TFAM: variants seen among roughly 807,000 people sequenced by gnomAD.
TFAM encodes the protein mitochondrial transcription factor 1.
In TFAM, 13 loss-of-function variants were observed where a neutral mutation model predicts 30.6. The ratio of observed to expected loss-of-function variants is 0.42; its 90% CI spans 0.28 to 0.67. The LOEUF (loss-of-function observed/expected upper bound fraction) is 0.67, where lower values mean the gene tolerates loss of function less well. Among genes scored for constraint, TFAM ranks in the 30% least tolerant of loss-of-function variants. The pLI, the probability that TFAM is intolerant of heterozygous loss-of-function variation, is 0.21. For missense variants in TFAM, 231 were observed against 293.7 expected (o/e 0.79, Z 1.56); for synonymous variants, 106 against 94.8 (o/e 1.12, Z -0.69).
At chr10:58,388,085 T>C (rs1840524164) in intron 2 of TFAM, 105 bp from the exon 3 acceptor site, 1 of 819,758 alleles carries the variant, frequency 1.2e-6, no homozygotes, top group South Asian at 1.5e-5. Flanking sequence ...TAAATCATTA[T>C]ATTAAGTTAT....
At position 58,385,448 on chromosome 10, in the gene TFAM, G is replaced by A; in HGVS notation, c.-100G>A. 2 of 870,666 alleles carry A rather than the reference G, an allele frequency of 2.3e-6. No homozygotes were observed. Among genetic ancestry groups the A allele is most frequent in the South Asian group, 2.9e-5 (2 of 69,970 alleles). 53.9% of individuals were successfully genotyped at this position (870,666 alleles called of 1,614,324 possible). ...AGTGGCGGGCATGATAACACACGCC[G>A]GAGGGTCGCACGCGGGTTCCAGTTG... On this transcript the variant is annotated 5_prime_UTR_variant, in exon 1 of 7. Coordinates refer to ENST00000487519, the MANE Select transcript of TFAM (RefSeq NM_003201.3).
Position 58,395,847 on chromosome 10 carries a change from A to G in TFAM, c.*773A>G. The G allele has an allele frequency of 8.3e-6, 2 of 239,608 alleles. No individual in the cohort carries two copies. Among genetic ancestry groups the G allele is most frequent in the Non-Finnish European group, 7.9e-6 (1 of 126,948 alleles). The allele number at this position is 239,608 out of a possible 1,614,324, so 14.8% of individuals were successfully genotyped here. On this transcript the variant is annotated 3_prime_UTR_variant, in exon 7 of 7. Transcript: ENST00000487519. ...CTGAATTATTTTCTCTCGTGAGTAT[A>G]TTGATCCAGAAAGAAAACTTGTATT...
chr10:58,394,805 G>A (rs1840653571), intron 6 of TFAM, 123 bp from the exon 7 acceptor site: 2 of 952,830 alleles, frequency 2.1e-6, no homozygotes, highest in Admixed American at 2.5e-5. Context: ...CTTTATACAT[G>A]TAGAATGGTA....
intron 6 of TFAM, 81 bp from the exon 7 acceptor site, chr10:58,394,847 C>G: frequency 7.2e-7 from 1 of 1,390,814 alleles, no homozygotes; most frequent in Non-Finnish European, 9.9e-7. Context: ...CAGAAGCATT[C>G]CAGAAATTAA....
rs746604502 is a variant in TFAM at position 58,390,721 on chromosome 10, T to C, written c.442-44T>C. ...TTTCTGTAGGTAAAATTAAGTCTCA[T>C]GGAGGTTAACACTATTTTTGACCCT... On this transcript the variant is annotated intron_variant, in intron 4 of 6. Transcript: ENST00000487519. The C allele has an allele frequency of 8.3e-6, 12 of 1,451,818 alleles. No homozygotes were observed. The South Asian group carries it at 1.4e-4, about 17-fold the overall frequency. The allele number at this position is 1,451,818 out of a possible 1,614,324, so 89.9% of individuals were successfully genotyped here. A position where few individuals can be genotyped will look rare whatever the true frequency, so the allele number is the denominator to read the frequency against.
intron 5 of TFAM, 58 bp downstream of exon 5, chr10:58,390,918 G>A: frequency 6.9e-7 from 1 of 1,442,048 alleles, no homozygotes; most frequent in Admixed American, 1.8e-5. Context: ...GAAAAGTCTA[G>A]AGTGCCATGT....
intron 5 of TFAM, among the ~76,000 whole-genome samples, chr10:58,392,402 TC>T (rs1840612963): frequency 1.3e-5 from 2 of 152,096 alleles, no homozygotes; most frequent in Admixed American, 6.5e-5. Context: ...TTTTTTTTCC[TC>T]CCCTTTAGAA....
chr10:58,392,110 T>C (rs1840608553), intron 5 of TFAM, among the ~76,000 whole-genome samples: 2 of 151,988 alleles, frequency 1.3e-5, no homozygotes, highest in South Asian at 4.1e-4. Flanking sequence ...TTCATTATCC[T>C]TGTGGTGCTG....
In TFAM at chr10:58,389,867, C is replaced by T. The variant is rs185950441; in HGVS notation, c.442-898C>T. Reference sequence around the variant, plus strand: ...ATTCTCTCTTTCTTTTGTAATTGTTCTTGACTCCCAGTACCAACTAGTTCA... The same window carrying T: ...ATTCTCTCTTTCTTTTGTAATTGTTTTTGACTCCCAGTACCAACTAGTTCA... On this transcript the variant is annotated intron_variant, in intron 4 of 6. Transcript: ENST00000487519. Among the ~76,000 whole-genome samples, 5 of 152,296 alleles carry T rather than the reference C, an allele frequency of 3.3e-5. No individual in the cohort carries two copies. In the East Asian group the frequency reaches 9.6e-4, roughly 29 times the overall value.
chr10:58,392,564 G>A (rs887669435), intron 5 of TFAM, among the ~76,000 whole-genome samples: 3 of 151,128 alleles, frequency 2.0e-5, no homozygotes, highest in Non-Finnish European at 4.4e-5. Flanking sequence ...TAATCTCTCT[G>A]CTTTTAGTAT....
At chr10:58,393,715 C>T (rs2097075698) in intron 5 of TFAM, among the ~76,000 whole-genome samples, 1 of 151,924 alleles carries the variant, frequency 6.6e-6, no homozygotes, top group Non-Finnish European at 1.5e-5. Context: ...TGGTAAGACC[C>T]CATCTTTACA....
chr10:58,394,316 G>A (rs1167938635), intron 5 of TFAM, 42 bp from the exon 6 acceptor site: 2 of 1,419,478 alleles, frequency 1.4e-6, no homozygotes, highest in African/African-American at 1.4e-5. Flanking sequence ...GGTCACTGAA[G>A]TCCCCATATC....
chr10:58,389,235 C>T (rs149688748), intron 4 of TFAM, among the ~76,000 whole-genome samples: 1,523 of 152,272 alleles, frequency 0.01, 18 homozygotes, highest in African/African-American at 0.034. Flanking sequence ...TGCATTAATT[C>T]ATTAACACAT....
intron 2 of TFAM, 198 bp downstream of exon 2, chr10:58,386,536 T>A (rs1383832999): frequency 6.6e-6 from 5 of 752,748 alleles, no homozygotes; most frequent in Non-Finnish European, 8.2e-6. Flanking sequence ...AATGGTATTT[T>A]AAAAATAACG....
In TFAM at chr10:58,397,331, G is replaced by T. The variant is rs546622096; in HGVS notation, c.*2257G>T. 6.6e-6 allele frequency: 1 copy of T among 152,024 alleles called. No individual in the cohort carries two copies. The highest frequency in any genetic ancestry group is 1.9e-4 in the East Asian group (1 of 5,178). 9.4% of individuals were successfully genotyped at this position (152,024 alleles called of 1,614,324 possible). On this transcript the variant is annotated 3_prime_UTR_variant, in exon 7 of 7. Transcript: ENST00000487519. Reference sequence around the variant, plus strand: ...TGAGTTCTTTTAACATTAACTACCCGTATTATTTTATACTTAACATTCATA... The same window carrying T: ...TGAGTTCTTTTAACATTAACTACCCTTATTATTTTATACTTAACATTCATA...
At chr10:58,390,681 T>C in intron 4 of TFAM, 84 bp from the exon 5 acceptor site, 1 of 949,728 alleles carries the variant, frequency 1.1e-6, no homozygotes, top group Non-Finnish European at 1.7e-6. Context: ...CTGTAATGCG[T>C]AGTAGTGAAT....
At chr10:58,394,462 G>A (rs773109520) in intron 6 of TFAM, 48 bp downstream of exon 6, 1 of 1,489,844 alleles carries the variant, frequency 6.7e-7, no homozygotes, top group South Asian at 1.1e-5. Context: ...GGATATCTGT[G>A]AGAGAATGTA....
intron 5 of TFAM, among the ~76,000 whole-genome samples, chr10:58,391,503 T>C (rs999799539): frequency 2.0e-5 from 3 of 152,192 alleles, no homozygotes; most frequent in African/African-American, 7.2e-5. Flanking sequence ...GGGATTATTA[T>C]ATCTGTAGTT....
chr10:58,386,182 C>A, intron 1 of TFAM, 38 bp from the exon 2 acceptor site: 1 of 1,319,050 alleles, frequency 7.6e-7, no homozygotes, highest in Non-Finnish European at 1.1e-6. Flanking sequence ...GACAGTTAAA[C>A]ATCTGACACT....
Sources: allele counts gnomAD v4.1 joint callset (sites outside exome capture counted in the v4.1 genomes callset), GRCh38; gene constraint gnomAD v4.1.1; transcripts MANE v1.5; gene names NCBI Gene and HGNC (gene_info 2026-07-23, HGNC 2026-07-21).